The following CLNK variants were observed in gnomAD, a reference collection of about 807,000 sequenced individuals.
The protein encoded by CLNK is cytokine-dependent hematopoietic cell linker.
A neutral mutation model predicts 68.6 loss-of-function variants in CLNK; 74 were observed. The observed-to-expected ratio is 1.08, with a 90% CI of 0.89 to 1.31. The LOEUF is 1.31. Ranked by LOEUF, CLNK falls within the 50% of genes most tolerant of loss-of-function variation. CLNK has a pLI of 0.00. For missense variants in CLNK, 553 were observed against 515.3 expected, an observed-to-expected ratio of 1.07 and a Z score of -0.71; for synonymous variants, 198 against 172.2, an observed-to-expected ratio of 1.15 and a Z score of -1.17.
chr4:10,609,623 A>T (rs756440840), intron 2 of CLNK, among the ~76,000 whole-genome samples: 1 of 152,248 alleles, frequency 6.6e-6, no homozygotes, highest in Non-Finnish European at 1.5e-5. Flanking sequence ...TCCTGGAGGC[A>T]GGAATGCCTC....
chr4:10,662,726 A>T, intron 2 of CLNK, among the ~76,000 whole-genome samples: 1 of 152,368 alleles, frequency 6.6e-6, no homozygotes, highest in South Asian at 2.1e-4. Context: ...CTAAAATTTT[A>T]AGATATTACA....
chr4:10,585,019 A>G (rs768664977), intron 3 of CLNK, 64 bp from the exon 4 acceptor site: 6 of 1,561,524 alleles, frequency 3.8e-6, no homozygotes, highest in Non-Finnish European at 5.3e-6. Flanking sequence ...CCCCCGCCAC[A>G]TAGGAACAGG....
chr4:10,535,199 AAGAAAGAAAGAAAG>A (rs1452206998), intron 11 of CLNK, among the ~76,000 whole-genome samples: 8 of 108,332 alleles, frequency 7.4e-5, no homozygotes, highest in African/African-American at 2.6e-4. Flanking sequence ...ACTTAAAAAA[AAGAAAGAAAGAAAG>A]AGAAAGAAAG....
At chr4:10,574,012 A>G (rs1720452555) in intron 4 of CLNK, among the ~76,000 whole-genome samples, 1 of 152,202 alleles carries the variant, frequency 6.6e-6, no homozygotes, top group Admixed American at 6.5e-5. Flanking sequence ...ACATTTAAAT[A>G]CGAATAGGCA....
At chr4:10,706,505 C>G in the CLNK span, among the ~76,000 whole-genome samples, 1 of 152,206 alleles carries the variant, frequency 6.6e-6, no homozygotes, top group Non-Finnish European at 1.5e-5. Context: ...TCAATTCCTC[C>G]TGAGGCAATC....
intron 6 of CLNK, 93 bp downstream of exon 6, chr4:10,565,916 G>T (rs1463715611): frequency 1.5e-6 from 2 of 1,371,960 alleles, no homozygotes; most frequent in Non-Finnish European, 9.9e-7. Context: ...TTAACCTAGG[G>T]TTGTTTAATT....
chr4:10,675,164 T>G (rs1472077063), intron 1 of CLNK, among the ~76,000 whole-genome samples: 1 of 152,132 alleles, frequency 6.6e-6, no homozygotes, highest in Non-Finnish European at 1.5e-5. Flanking sequence ...TAAAAGATAA[T>G]GGATTTGAGG....
At chr4:10,723,117 T>C in the CLNK span, among the ~76,000 whole-genome samples, 3 of 152,114 alleles carry the variant, frequency 2.0e-5, no homozygotes, top group African/African-American at 4.8e-5. Flanking sequence ...GAAGAGGGTA[T>C]AGTGAGGTTA....
the CLNK span, among the ~76,000 whole-genome samples, chr4:10,733,619 C>T: frequency 6.6e-6 from 1 of 152,256 alleles, no homozygotes; most frequent in South Asian, 2.1e-4. Flanking sequence ...CCTGGTTTGC[C>T]ATGCATCTGT....
chr4:10,650,482 G>T (rs549593886), intron 2 of CLNK, among the ~76,000 whole-genome samples: 2 of 152,128 alleles, frequency 1.3e-5, no homozygotes, highest in East Asian at 3.9e-4. Flanking sequence ...AAAAAACATA[G>T]AGAAGATTTT....
At chr4:10,580,764 G>A (rs1334941785) in intron 4 of CLNK, among the ~76,000 whole-genome samples, 1 of 152,264 alleles carries the variant, frequency 6.6e-6, no homozygotes, top group South Asian at 2.1e-4. Flanking sequence ...GTCTTATTAG[G>A]AAAGAGTAAA....
At position 10,525,859 on chromosome 4, in the gene CLNK, ATCTC is replaced by A; in HGVS notation, c.709_712del (p.Glu237PhefsTer87). 6.3e-7 allele frequency: 1 copy of A among 1,582,808 alleles called. No homozygotes were observed. The highest frequency in any genetic ancestry group is 1.2e-5 in the South Asian group (1 of 86,362). On this transcript the variant is annotated frameshift_variant, in exon 14 of 19. Coordinates refer to ENST00000226951, the MANE Select transcript of CLNK (RefSeq NM_052964.4). LOFTEE classifies it high-confidence loss of function. ...TCCTTACCTGCTAATGGCAAGTGGA[ATCTC>A]TTGAGTATTTTGGTTTTCTAACAGA...
chr4:10,699,512 A>ATATATATATATATATTT, the CLNK span, among the ~76,000 whole-genome samples: 3 of 32,758 alleles, frequency 9.2e-5, no homozygotes, highest in African/African-American at 3.5e-4. Context: ...ATATATATAT[A>ATATATATATATATATTT]TTTTTTTTTT....
chr4:10,554,129 C>G (rs982706958), intron 8 of CLNK, among the ~76,000 whole-genome samples: 1 of 152,164 alleles, frequency 6.6e-6, no homozygotes, highest in African/African-American at 2.4e-5. Context: ...CCAGTTTACC[C>G]CAGATGTCTC....
chr4:10,612,497 G>A (rs1306965668), intron 2 of CLNK, among the ~76,000 whole-genome samples: 1 of 152,200 alleles, frequency 6.6e-6, no homozygotes, highest in African/African-American at 2.4e-5. Context: ...AGCCCAGGGA[G>A]GCAAAGTATA....
At chr4:10,670,491 G>T (rs1724584784) in intron 1 of CLNK, among the ~76,000 whole-genome samples, 1 of 152,182 alleles carries the variant, frequency 6.6e-6, no homozygotes, top group Non-Finnish European at 1.5e-5. Context: ...CAGAGTAAGG[G>T]GACCACAGAT....
chr4:10,601,609 T>C (rs1228848195), intron 2 of CLNK, among the ~76,000 whole-genome samples: 1 of 152,146 alleles, frequency 6.6e-6, no homozygotes, highest in African/African-American at 2.4e-5. Flanking sequence ...GGCAAAATTG[T>C]TTGTTTTGCA....
chr4:10,604,060 A>G (rs1421384239), intron 2 of CLNK, among the ~76,000 whole-genome samples: 1 of 152,244 alleles, frequency 6.6e-6, no homozygotes, highest in Non-Finnish European at 1.5e-5. Context: ...AGCTATGCCA[A>G]CTGAACAAGC....
chr4:10,684,425 A>G (rs561003863), intron 1 of CLNK, among the ~76,000 whole-genome samples: 14 of 152,288 alleles, frequency 9.2e-5, no homozygotes, highest in African/African-American at 3.4e-4. Flanking sequence ...AGAAGATTGA[A>G]AACATTTAGT....
Sources: allele counts gnomAD v4.1 joint callset (sites outside exome capture counted in the v4.1 genomes callset), GRCh38; gene constraint gnomAD v4.1.1; transcripts MANE v1.5; gene names NCBI Gene and HGNC (gene_info 2026-07-23, HGNC 2026-07-21).